The following RMND1 variants were observed in gnomAD, a reference collection of about 807,000 sequenced individuals.
The protein encoded by RMND1 is required for meiotic nuclear division protein 1 homolog.
RMND1 carries 41 observed loss-of-function variants against 54.0 expected under a neutral mutation model. The observed-to-expected ratio is 0.76, with a 90% CI of 0.59 to 0.98. The LOEUF is 0.98. RMND1 is among the 50% of genes least tolerant of loss of function. The pLI is 0.00. For synonymous variants in RMND1, 183 were observed against 181.7 expected (o/e 1.01, Z -0.06); for missense variants, 457 against 532.0 (o/e 0.86, Z 1.39).
intron 10 of RMND1, among the ~76,000 whole-genome samples, chr6:151,412,081 C>CTTGG (rs1779856502): frequency 6.6e-6 from 1 of 152,140 alleles, no homozygotes; most frequent in Non-Finnish European, 1.5e-5. Context: ...CTCACTGCAA[C>CTTGG]CTCTGCCCCC....
intron 2 of RMND1, among the ~76,000 whole-genome samples, chr6:151,437,163 G>A (rs1582963591): frequency 6.6e-6 from 1 of 152,190 alleles, no homozygotes; most frequent in Non-Finnish European, 1.5e-5. Context: ...ATAAAATACA[G>A]ATGGTAAGCA....
intron 6 of RMND1, among the ~76,000 whole-genome samples, chr6:151,425,751 G>A (rs1780276635): frequency 6.6e-6 from 1 of 152,084 alleles, no homozygotes; most frequent in African/African-American, 2.4e-5. Context: ...AAATCTCATC[G>A]GAAAGCCAGT....
At chr6:151,408,492 T>G (rs188548312) in intron 10 of RMND1, among the ~76,000 whole-genome samples, 1 of 152,054 alleles carries the variant, frequency 6.6e-6, no homozygotes, top group Non-Finnish European at 1.5e-5. Flanking sequence ...AGTACCAGAT[T>G]GTGAGAGGTA....
At chr6:151,438,870 T>C (rs9637989) in intron 2 of RMND1, among the ~76,000 whole-genome samples, 27,683 of 151,690 alleles carry the variant, frequency 0.18, 2,750 homozygotes, top group East Asian at 0.35. Context: ...TCCCAGAACT[T>C]TGGGAGGCTG....
intron 7 of RMND1, 135 bp downstream of exon 7, chr6:151,423,390 T>A (rs1388379127): frequency 3.3e-6 from 2 of 605,456 alleles, no homozygotes; most frequent in Non-Finnish European, 5.9e-6. Context: ...TTTTTTCTGA[T>A]GGAGGGAAAA....
At chr6:151,412,608 CT>C (rs1779881046) in intron 10 of RMND1, among the ~76,000 whole-genome samples, 1 of 152,156 alleles carries the variant, frequency 6.6e-6, no homozygotes, top group African/African-American at 2.4e-5. Context: ...AAAGAAATAC[CT>C]GAGACGGGGT....
intron 6 of RMND1, among the ~76,000 whole-genome samples, chr6:151,426,933 C>T (rs1437661509): frequency 6.7e-6 from 1 of 148,540 alleles, no homozygotes; most frequent in Non-Finnish European, 1.5e-5. Context: ...CCATAACCAG[C>T]TAATTTTTGT....
In RMND1 at chr6:151,422,573, T is replaced by C; in HGVS notation, c.970A>G (p.Lys324Glu). ...KLAIWEASLD[K>E]FIESIQSIPE... ...ATTGACTGAATAGATTCAATAAATT[T>C]ATCCAGTGATGCTTCCCAAATTGCC... Residue 324 changes from lysine to glutamate, a missense_variant, in exon 8 of 12, where the codon AAA becomes GAA. Coordinates refer to ENST00000444024, the MANE Select transcript of RMND1 (RefSeq NM_017909.4). 1 of 1,542,754 alleles carries C rather than the reference T, an allele frequency of 6.5e-7. No individual in the cohort carries two copies. The highest frequency in any genetic ancestry group is 1.2e-5 in the South Asian group (1 of 81,286).
In RMND1 at chr6:151,438,334, T is replaced by C. The variant is rs941342535; in HGVS notation, c.505-1780A>G. Among the ~76,000 whole-genome samples the C allele has an allele frequency of 2.6e-5, 4 of 152,188 alleles. No homozygotes were observed. The South Asian group carries it at 6.2e-4, about 24-fold the overall frequency. Reference sequence around the variant, plus strand: ...CTAGGTGAAATCACAGTACATTAGGTTGGATGTCAGAATTACTTCTGTGAT... The same window carrying C: ...CTAGGTGAAATCACAGTACATTAGGCTGGATGTCAGAATTACTTCTGTGAT... On this transcript the variant is annotated intron_variant, in intron 2 of 11. Transcript: ENST00000444024.
rs868808440 is a variant in RMND1, at chr6:151,449,820, C to T, written c.-15+2196G>A. On this transcript the variant is annotated intron_variant, in intron 1 of 11. Coordinates refer to ENST00000444024, the MANE Select transcript of RMND1 (RefSeq NM_017909.4). Reference sequence around the variant, plus strand: ...CATGCCGCCACGCCTGACTGGTTTTCGTACTTTTTTGGTGGAGACGGGGTT... The same window carrying T: ...CATGCCGCCACGCCTGACTGGTTTTTGTACTTTTTTGGTGGAGACGGGGTT... 2.3e-4 allele frequency among the ~76,000 whole-genome samples: 35 copies of T among 152,330 alleles called. 1 individual carries two copies. The highest frequency in any genetic ancestry group is 8.3e-4 in the South Asian group (4 of 4,828).
In RMND1 at chr6:151,436,482, A is replaced by G; in HGVS notation, c.577T>C (p.Ser193Pro). Residue 193 changes from serine to proline, a missense_variant, in exon 3 of 12, where the codon TCC becomes CCC. By Grantham distance (74) the Ser-to-Pro change is moderately conservative (BLOSUM62 -1). Coordinates refer to ENST00000444024, the MANE Select transcript of RMND1 (RefSeq NM_017909.4). ...CTTGTTACTTCAACATATCCGTGGG[A>G]GGCCAGATCTTGAGACAGATTTCCC... ...HLGNLSQDLA[S>P]HGYVEVTSLP... 7 of 1,614,064 alleles carry G rather than the reference A, an allele frequency of 4.3e-6. No individual in the cohort carries two copies. The highest frequency in any genetic ancestry group is 5.1e-6 in the Non-Finnish European group (6 of 1,179,904).
At chr6:151,434,858 T>C (rs945610109) in intron 3 of RMND1, among the ~76,000 whole-genome samples, 3 of 152,170 alleles carry the variant, frequency 2.0e-5, no homozygotes, top group African/African-American at 7.2e-5. Flanking sequence ...AAGTAACTTA[T>C]TTATTTTTGA....
chr6:151,404,996 GT>G lies in RMND1; in HGVS notation c.*238del. On this transcript the variant is annotated 3_prime_UTR_variant, in exon 12 of 12. Transcript: ENST00000444024. Reference sequence around the variant, plus strand: ...AGATTCTCCTGCCTCAGCCTCCTGAGTAGCTGAGATGACGGGCGTGTGCCAA... The same window carrying G: ...AGATTCTCCTGCCTCAGCCTCCTGAGAGCTGAGATGACGGGCGTGTGCCAA... 2.4e-6 allele frequency: 1 copy of G among 422,694 alleles called. No homozygotes were observed. 26.2% of individuals were successfully genotyped at this position (422,694 alleles called of 1,614,324 possible). A position where few individuals can be genotyped will look rare whatever the true frequency, so the allele number is the denominator to read the frequency against.
At chr6:151,419,573 G>A (rs1005667072) in intron 9 of RMND1, among the ~76,000 whole-genome samples, 1 of 151,224 alleles carries the variant, frequency 6.6e-6, no homozygotes, top group East Asian at 2.0e-4. Flanking sequence ...ACCCAGGAGG[G>A]TGAGGCAGGA....
At chr6:151,437,599 T>C (rs1195952930) in intron 2 of RMND1, among the ~76,000 whole-genome samples, 1 of 152,234 alleles carries the variant, frequency 6.6e-6, no homozygotes, top group Non-Finnish European at 1.5e-5. Flanking sequence ...TGTTAGATTC[T>C]AGTTGGCCAA....
intron 6 of RMND1, among the ~76,000 whole-genome samples, chr6:151,423,998 T>TTA (rs745368360): frequency 6.6e-6 from 1 of 151,886 alleles, no homozygotes; most frequent in Non-Finnish European, 1.5e-5. Context: ...CAGGCATGCG[T>TTA]AACCACACCC....
intron 10 of RMND1, among the ~76,000 whole-genome samples, chr6:151,407,481 A>C (rs757635770): frequency 5.9e-5 from 9 of 152,006 alleles, no homozygotes; most frequent in Admixed American, 2.0e-4. Flanking sequence ...CCACTACCTC[A>C]TCATCATCCA....
At chr6:151,440,633 C>G (rs1780746490) in intron 2 of RMND1, among the ~76,000 whole-genome samples, 1 of 152,332 alleles carries the variant, frequency 6.6e-6, no homozygotes, top group East Asian at 1.9e-4. Context: ...CAATGTCACT[C>G]AGCTTATATG....
chr6:151,415,978 TTTTTG>T (rs1408988070), intron 10 of RMND1, among the ~76,000 whole-genome samples: 2 of 148,688 alleles, frequency 1.3e-5, no homozygotes, highest in South Asian at 2.1e-4. Context: ...GTTTTGTGTC[TTTTTG>T]TTTTGTTTTT....
Sources: gnomAD v4.1 joint callset for allele counts (sites outside exome capture counted in the v4.1 genomes callset) on GRCh38, gnomAD v4.1.1 for gene constraint, MANE v1.5 for transcripts, NCBI Gene and HGNC (gene_info 2026-07-23, HGNC 2026-07-21) for gene names.